NTRK3: variants seen among roughly 807,000 people sequenced by gnomAD.
NTRK3 encodes NT-3 growth factor receptor.
NTRK3 carries 24 observed loss-of-function variants against 91.7 expected under a neutral mutation model. The ratio of observed to expected loss-of-function variants is 0.26; its 90% CI spans 0.19 to 0.37. The LOEUF is 0.37. Among genes scored for constraint, NTRK3 ranks in the 10% least tolerant of loss-of-function variants. The pLI is 1.00. For synonymous variants in NTRK3, 483 were observed against 404.0 expected, an observed-to-expected ratio of 1.20 and a Z score of -2.34; for missense variants, 880 against 1,068.9, an observed-to-expected ratio of 0.82 and a Z score of 2.46.
chr15:87,978,535 C>T lies in NTRK3; in HGVS notation c.1586-37782G>A, dbSNP rs534160126. ...GTCCCTTGTGGTCCTAGTAGGATGG[C>T]CAGTTCATGGGTAAAACCTCCTGCA... On this transcript the variant is annotated intron_variant, in intron 14 of 18. Transcript: ENST00000394480. The T allele has an allele frequency of 4.3e-4, 99 of 228,538 alleles. 3 individuals are homozygous for T. The South Asian group carries it at 0.017, about 39-fold the overall frequency. 14.2% of individuals were successfully genotyped at this position (228,538 alleles called of 1,614,324 possible). A position where few individuals can be genotyped will look rare whatever the true frequency, so the allele number is the denominator to read the frequency against.
rs533583810 is a variant in NTRK3 at position 88,216,867 on chromosome 15, T to C, written c.249-32568A>G. Among the ~76,000 whole-genome samples the C allele has an allele frequency of 3.3e-5, 5 of 152,352 alleles. No homozygotes were observed. The East Asian group carries it at 9.6e-4, about 29-fold the overall frequency. On this transcript the variant is annotated intron_variant, in intron 3 of 18. Coordinates refer to ENST00000394480, the Ensembl canonical transcript of NTRK3. ...TTGACTGTGGAATAGCCTCAGGCCC[T>C]ACTTGTCTTAATCTGCAAGTCCCAT...
At chr15:87,867,454 G>A (rs761189150) in exon 19 of NTRK3, 3 of 230,186 alleles carry the variant, frequency 1.3e-5, no homozygotes, top group South Asian at 1.8e-4. Flanking sequence ...AGTGTGGGGG[G>A]GATGTTTGCA....
intron 14 of NTRK3, among the ~76,000 whole-genome samples, chr15:88,024,837 A>C (rs974015299): frequency 2.0e-5 from 3 of 152,252 alleles, no homozygotes; most frequent in African/African-American, 7.2e-5. Context: ...TGCCTTTGAA[A>C]TGCTGTGAAG....
chr15:88,155,805 C>CTATCT (rs374120836), intron 5 of NTRK3, among the ~76,000 whole-genome samples: 4 of 150,560 alleles, frequency 2.7e-5, no homozygotes, highest in African/African-American at 7.3e-5. Flanking sequence ...TGTAATCTAT[C>CTATCT]ATCTATCTAT....
chr15:87,865,301 G>C (rs2141384651), exon 19 of NTRK3: 1 of 209,386 alleles, frequency 4.8e-6, no homozygotes, highest in East Asian at 7.2e-5. Context: ...CTAATACAGA[G>C]TACTTATAAT....
chr15:88,116,750 C>T (rs547783427), intron 13 of NTRK3, among the ~76,000 whole-genome samples: 54 of 152,340 alleles, frequency 3.5e-4, no homozygotes, highest in African/African-American at 1.3e-3. Context: ...TATTCACTTG[C>T]ATGTTCAAGT....
chr15:88,042,011 C>T (rs953211803), intron 13 of NTRK3, among the ~76,000 whole-genome samples: 1 of 152,006 alleles, frequency 6.6e-6, no homozygotes, highest in African/African-American at 2.4e-5. Flanking sequence ...GCATGGGTCT[C>T]ATGCTTTTTT....
At chr15:88,120,084 C>A (rs903778356) in intron 13 of NTRK3, among the ~76,000 whole-genome samples, 4 of 152,172 alleles carry the variant, frequency 2.6e-5, no homozygotes, top group Non-Finnish European at 5.9e-5. Context: ...CTGGAAGAAA[C>A]CCTTCTCAGT....
intron 13 of NTRK3, among the ~76,000 whole-genome samples, chr15:88,123,450 G>C (rs980451794): frequency 3.3e-5 from 5 of 152,178 alleles, no homozygotes; most frequent in Admixed American, 2.0e-4. Flanking sequence ...TGTGATGCTC[G>C]CTGGCAATAA....
intron 13 of NTRK3, among the ~76,000 whole-genome samples, chr15:88,088,265 G>A (rs551228606): frequency 4.5e-4 from 69 of 152,308 alleles, no homozygotes; most frequent in African/African-American, 1.6e-3. Flanking sequence ...TGGAGCTGGC[G>A]TGGAACTATC....
At chr15:88,032,127 T>G (rs1275345260) in intron 14 of NTRK3, among the ~76,000 whole-genome samples, 3 of 152,080 alleles carry the variant, frequency 2.0e-5, no homozygotes, top group Non-Finnish European at 2.9e-5. Flanking sequence ...TGGGTGTTGC[T>G]GGGCCCAGAT....
chr15:88,110,245 G>T (rs186239132), intron 13 of NTRK3, among the ~76,000 whole-genome samples: 26 of 152,310 alleles, frequency 1.7e-4, no homozygotes, highest in African/African-American at 6.0e-4. Flanking sequence ...CAATAAGGAA[G>T]AAAGAAGATC....
At chr15:88,028,545 A>C (rs951720822) in intron 14 of NTRK3, among the ~76,000 whole-genome samples, 2 of 152,162 alleles carry the variant, frequency 1.3e-5, no homozygotes, top group African/African-American at 2.4e-5. Context: ...AGGAGCAGAC[A>C]GACACTACCT....
At chr15:88,155,912 A>G (rs1411845048) in intron 5 of NTRK3, among the ~76,000 whole-genome samples, 1 of 152,128 alleles carries the variant, frequency 6.6e-6, no homozygotes, top group African/African-American at 2.4e-5. Flanking sequence ...CTTCACTCTC[A>G]GAGCTCATCT....
At chr15:87,920,843 C>T (rs2067808138) in intron 17 of NTRK3, among the ~76,000 whole-genome samples, 1 of 152,144 alleles carries the variant, frequency 6.6e-6, no homozygotes, top group African/African-American at 2.4e-5. Context: ...CTCACCCCTG[C>T]TTTGACCACG....
intron 5 of NTRK3, among the ~76,000 whole-genome samples, chr15:88,149,010 T>C (rs1462951576): frequency 6.6e-6 from 1 of 152,172 alleles, no homozygotes; most frequent in Non-Finnish European, 1.5e-5. Context: ...GACCTTCCCC[T>C]TGCAAATATG....
At chr15:88,143,211 A>G (rs946662864) in intron 6 of NTRK3, among the ~76,000 whole-genome samples, 1 of 152,234 alleles carries the variant, frequency 6.6e-6, no homozygotes, top group African/African-American at 2.4e-5. Flanking sequence ...CTACAGAGTG[A>G]GACTGTCTCA....
At chr15:88,043,171 A>G (rs1040743709) in intron 13 of NTRK3, among the ~76,000 whole-genome samples, 1 of 152,202 alleles carries the variant, frequency 6.6e-6, no homozygotes, top group South Asian at 2.1e-4. Context: ...CAAAACAAGC[A>G]TCCTGGAGGG....
At chr15:87,880,339 G>A (rs2141467457) in exon 18 of NTRK3, 1 of 1,613,726 alleles carries the variant, frequency 6.2e-7, no homozygotes, top group Non-Finnish European at 8.5e-7. Flanking sequence ...TCACCCCGAA[G>A]CTCCATACAT....
Sources: allele counts gnomAD v4.1 joint callset (sites outside exome capture counted in the v4.1 genomes callset), GRCh38; gene constraint gnomAD v4.1.1; transcripts MANE v1.5; gene names NCBI Gene and HGNC (gene_info 2026-07-23, HGNC 2026-07-21).